Variants in SH3RF2 observed in about 807,000 individuals in gnomAD.
SH3RF2 encodes the protein E3 ubiquitin-protein ligase SH3RF2.
In SH3RF2, 43 loss-of-function variants were observed where a neutral mutation model predicts 59.0. The ratio of observed to expected loss-of-function variants is 0.73; its 90% CI spans 0.57 to 0.94. The LOEUF is 0.94. Ranked by LOEUF, SH3RF2 falls within the 40% of genes least tolerant of loss-of-function variation. The pLI, the probability that SH3RF2 is intolerant of heterozygous loss-of-function variation, is 0.00. For missense variants in SH3RF2, 930 were observed against 940.1 expected (o/e 0.99, Z 0.14); for synonymous variants, 391 against 391.5 (o/e 1.00, Z 0.01).
rs1757671621 is a variant in SH3RF2 at position 145,938,158 on chromosome 5, G to A, written c.230G>A (p.Arg77His). The change falls in exon 2 of 10, where the codon CGC becomes CAC. Residue 77 changes from arginine to histidine, a missense_variant. Arg to His is a conservative substitution (Grantham distance 29). Transcript: ENST00000359120. ...CTCGTGCGCCTTCTGGATGGAGTGC[G>A]CTCAGGGCAGAGCTCCGGGAGAGGG... Reference protein sequence around the residue: ...LLLVRLLDGVRSGQSSGRGGS... With the variant: ...LLLVRLLDGVHSGQSSGRGGS... The A allele has an allele frequency of 6.2e-7, 1 of 1,614,036 alleles. No homozygotes were observed. The highest frequency in any genetic ancestry group is 1.1e-5 in the South Asian group (1 of 91,084).
At chr5:145,972,233 A>C (rs1375248307) in intron 2 of SH3RF2, among the ~76,000 whole-genome samples, 1 of 152,214 alleles carries the variant, frequency 6.6e-6, no homozygotes, top group Admixed American at 6.5e-5. Flanking sequence ...TTTGATAAAA[A>C]ATTGAAAAAA....
intron 8 of SH3RF2, among the ~76,000 whole-genome samples, chr5:146,058,100 T>C (rs1384676275): frequency 1.3e-5 from 2 of 152,074 alleles, no homozygotes; most frequent in Non-Finnish European, 2.9e-5. Context: ...ATATACTCCC[T>C]CTCCACCTTT....
chr5:145,952,767 G>A (rs1412476748), intron 2 of SH3RF2, among the ~76,000 whole-genome samples: 1 of 152,184 alleles, frequency 6.6e-6, no homozygotes, highest in Non-Finnish European at 1.5e-5. Flanking sequence ...CATTGGCAGG[G>A]GAGTGATGGC....
chr5:145,997,400 T>C, intron 2 of SH3RF2: 2 of 1,268,568 alleles, frequency 1.6e-6, no homozygotes, highest in Non-Finnish European at 2.3e-6. Flanking sequence ...TGGGCTTTGC[T>C]TCCATCTACA....
chr5:146,046,019 A>G (rs1762291069), intron 5 of SH3RF2, among the ~76,000 whole-genome samples: 1 of 152,192 alleles, frequency 6.6e-6, no homozygotes, highest in Non-Finnish European at 1.5e-5. Flanking sequence ...TTTTGATCCT[A>G]CAACTTGATC....
In SH3RF2 at chr5:146,074,205, A is replaced by C. The variant is rs900436894; in HGVS notation, c.*34-4255A>C. On this transcript the variant is annotated intron_variant, in intron 9 of 9. Transcript: ENST00000511217. ...CAGGCGCCCAACACCACGCCCGGCT[A>C]ATTTTTTGTATTTTTAGTAGAGACG... Among the ~76,000 whole-genome samples, 3 of 152,076 alleles carry C rather than the reference A, an allele frequency of 2.0e-5. No individual in the cohort carries two copies. The East Asian group carries it at 5.8e-4, about 29-fold the overall frequency.
intron 5 of SH3RF2, among the ~76,000 whole-genome samples, chr5:146,020,730 T>C (rs1454137882): frequency 5.3e-5 from 8 of 152,204 alleles, no homozygotes; most frequent in Non-Finnish European, 1.0e-4. Context: ...TGATGTTTTG[T>C]TCACTTATGT....
At chr5:146,031,044 G>T (rs1337879711) in intron 5 of SH3RF2, among the ~76,000 whole-genome samples, 1 of 152,098 alleles carries the variant, frequency 6.6e-6, no homozygotes, top group African/African-American at 2.4e-5. Flanking sequence ...ACCCTCCTCT[G>T]GTCTAGCCAC....
chr5:145,976,099 G>A (rs1349633907), intron 2 of SH3RF2, among the ~76,000 whole-genome samples: 2 of 152,098 alleles, frequency 1.3e-5, no homozygotes, highest in East Asian at 1.9e-4. Flanking sequence ...AACATTAATC[G>A]ACTTAGAATA....
intron 1 of SH3RF2, 72 bp from the exon 2 acceptor site, chr5:145,937,751 C>T: frequency 2.9e-6 from 2 of 697,378 alleles, no homozygotes; most frequent in Non-Finnish European, 4.8e-6. Context: ...TGAGACACTG[C>T]CTCAATGTAG....
intron 2 of SH3RF2, among the ~76,000 whole-genome samples, chr5:145,949,229 A>G (rs1758103841): frequency 6.6e-6 from 1 of 152,240 alleles, no homozygotes; most frequent in Non-Finnish European, 1.5e-5. Flanking sequence ...GAATGCAGCC[A>G]GATACCAGGG....
chr5:146,018,326 C>A (rs538043023), intron 5 of SH3RF2, among the ~76,000 whole-genome samples: 90 of 152,208 alleles, frequency 5.9e-4, no homozygotes, highest in African/African-American at 2.1e-3. Flanking sequence ...AGTTTATCTC[C>A]CACTTAGTGA....
At chr5:145,996,972 G>A (rs1760183003) in intron 2 of SH3RF2, among the ~76,000 whole-genome samples, 1 of 152,188 alleles carries the variant, frequency 6.6e-6, no homozygotes, top group Non-Finnish European at 1.5e-5. Flanking sequence ...CATAGGAAGT[G>A]CTCGGTAATT....
At chr5:145,992,088 C>T (rs1035660056) in intron 2 of SH3RF2, among the ~76,000 whole-genome samples, 3 of 152,108 alleles carry the variant, frequency 2.0e-5, no homozygotes, top group Admixed American at 6.6e-5. Context: ...TTTTAAGAAA[C>T]AGGCCTGGTG....
At chr5:145,989,081 T>C (rs1436310050) in intron 2 of SH3RF2, among the ~76,000 whole-genome samples, 1 of 152,202 alleles carries the variant, frequency 6.6e-6, no homozygotes, top group Non-Finnish European at 1.5e-5. Flanking sequence ...TTGCCCAGCA[T>C]TCCCAAGACA....
At chr5:146,003,434 AATATGTATGTTT>A (rs1760507510) in intron 3 of SH3RF2, among the ~76,000 whole-genome samples, 1 of 152,236 alleles carries the variant, frequency 6.6e-6, no homozygotes, top group African/African-American at 2.4e-5. Flanking sequence ...GTTTTTTAAA[AATATGTATGTTT>A]ATATGTATGT....
At chr5:146,000,430 T>A (rs1760363520) in intron 3 of SH3RF2, 103 bp downstream of exon 3, 2 of 961,866 alleles carry the variant, frequency 2.1e-6, no homozygotes, top group Admixed American at 4.1e-5. Context: ...AATTGTATTT[T>A]AAATATATTA....
At chr5:146,063,499 A>G (rs146761102), downstream of SH3RF2, among the ~76,000 whole-genome samples, 143 of 152,374 alleles carry the variant, frequency 9.4e-4, 3 homozygotes, top group East Asian at 0.026. Context: ...GACTTCAAGA[A>G]AACACAGCGT....
At chr5:146,018,991 C>T (rs1761211934) in intron 5 of SH3RF2, among the ~76,000 whole-genome samples, 1 of 151,942 alleles carries the variant, frequency 6.6e-6, no homozygotes, top group South Asian at 2.1e-4. Context: ...GATTTGAGTT[C>T]CTTGTAGATT....
Sources: allele counts gnomAD v4.1 joint callset (sites outside exome capture counted in the v4.1 genomes callset), GRCh38; gene constraint gnomAD v4.1.1; transcripts MANE v1.5; gene names NCBI Gene and HGNC (gene_info 2026-07-23, HGNC 2026-07-21).